Variants in HS2ST1 observed in about 807,000 individuals in gnomAD.
HS2ST1 encodes 2-O-sulfotransferase.
In HS2ST1, 18 loss-of-function variants were observed where a neutral mutation model predicts 42.9. The ratio of observed to expected loss-of-function variants is 0.42; its 90% CI spans 0.29 to 0.62. The LOEUF (loss-of-function observed/expected upper bound fraction) is 0.62. Among genes scored for constraint, HS2ST1 ranks in the 20% least tolerant of loss-of-function variants. HS2ST1 has a pLI of 0.21. For missense variants in HS2ST1, 334 were observed against 433.8 expected (o/e 0.77, Z 2.04); for synonymous variants, 146 against 152.9 (o/e 0.95, Z 0.33).
rs368370135 is a variant in HS2ST1, at chr1:87,012,269, G to A, written c.125-60665G>A. Among the ~76,000 whole-genome samples, 13 of 152,118 alleles carry A rather than the reference G, an allele frequency of 8.5e-5. No individual in the cohort carries two copies. In the East Asian group the frequency reaches 1.7e-3, roughly 20 times the overall value. The stretch of plus-strand genomic sequence containing the variant: ...ATACCCGAGACTGGTAATTTATAAA[G>A]GAAAGAGGTTTAATGAACCCACAGT... On this transcript the variant is annotated intron_variant, in intron 1 of 6. Coordinates refer to ENST00000370550, the MANE Select transcript of HS2ST1 (RefSeq NM_012262.4).
intron 1 of HS2ST1, among the ~76,000 whole-genome samples, chr1:87,025,354 G>T (rs1650057607): frequency 6.6e-6 from 1 of 152,204 alleles, no homozygotes; most frequent in African/African-American, 2.4e-5. Context: ...GCAATATCAA[G>T]TAAACAGGGA....
intron 1 of HS2ST1, among the ~76,000 whole-genome samples, chr1:86,948,454 G>A (rs1228802728): frequency 6.6e-6 from 1 of 152,170 alleles, no homozygotes. Context: ...CGCCTGCCAA[G>A]TTTGCTGTTT....
chr1:86,945,638 T>C (rs906486583), intron 1 of HS2ST1, among the ~76,000 whole-genome samples: 1 of 152,220 alleles, frequency 6.6e-6, no homozygotes, highest in African/African-American at 2.4e-5. Context: ...AACTTGTACT[T>C]ATAGACTAGG....
At chr1:86,986,162 T>G (rs1385521700) in intron 1 of HS2ST1, among the ~76,000 whole-genome samples, 1 of 152,114 alleles carries the variant, frequency 6.6e-6, no homozygotes, top group East Asian at 1.9e-4. Context: ...TTTATTTTAT[T>G]AAAAGTGATT....
intron 1 of HS2ST1, among the ~76,000 whole-genome samples, chr1:87,054,295 A>T (rs1372637940): frequency 1.3e-5 from 2 of 151,748 alleles, no homozygotes; most frequent in Non-Finnish European, 2.9e-5. Context: ...GAGATATCTC[A>T]TGTGGGTTTT....
chr1:86,995,714 A>G lies in HS2ST1; in HGVS notation c.125-77220A>G, dbSNP rs543289479. Among the ~76,000 whole-genome samples, 3 of 152,320 alleles carry G rather than the reference A, an allele frequency of 2.0e-5. No homozygotes were observed. The South Asian group carries it at 6.2e-4, about 32-fold the overall frequency. ...CAGTAACTGGTAGATAAATTCTGGC[A>G]TTACATACCAAACAGGAGAGACAAG... On this transcript the variant is annotated intron_variant, in intron 1 of 6. Coordinates refer to ENST00000370550, the MANE Select transcript of HS2ST1 (RefSeq NM_012262.4).
Position 86,983,382 on chromosome 1 carries a change from A to G in HS2ST1, c.124+68222A>G, listed in dbSNP as rs547636766. On this transcript the variant is annotated intron_variant, in intron 1 of 6. Coordinates refer to ENST00000370550, the MANE Select transcript of HS2ST1 (RefSeq NM_012262.4). Reference sequence around the variant, plus strand: ...AATCATGGCAGAAGGTGAAGGGAAAACAAGGCATGTCTTACATGGTGGTAG... The same window carrying G: ...AATCATGGCAGAAGGTGAAGGGAAAGCAAGGCATGTCTTACATGGTGGTAG... Among the ~76,000 whole-genome samples, 3 of 152,234 alleles carry G rather than the reference A, an allele frequency of 2.0e-5. No homozygotes were observed. The South Asian group carries it at 6.2e-4, about 32-fold the overall frequency.
chr1:87,013,307 G>A (rs1649657063), intron 1 of HS2ST1, among the ~76,000 whole-genome samples: 1 of 152,254 alleles, frequency 6.6e-6, no homozygotes. Flanking sequence ...CCAAACCTCA[G>A]TTTCTGACTT....
chr1:87,097,174 C>G (rs183897787), intron 4 of HS2ST1, among the ~76,000 whole-genome samples: 1 of 152,268 alleles, frequency 6.6e-6, no homozygotes, highest in African/African-American at 2.4e-5. Flanking sequence ...TCTATATGCT[C>G]TGGAGGACAC....
rs1028973162 is a variant in HS2ST1, at chr1:87,109,588, A to C, written c.*4892A>C. 6.6e-6 allele frequency: 1 copy of C among 152,104 alleles called. No individual in the cohort carries two copies. Among genetic ancestry groups the C allele is most frequent in the East Asian group, 1.9e-4 (1 of 5,194 alleles). The allele number at this position is 152,104 out of a possible 1,614,324, so 9.4% of individuals were successfully genotyped here. A position where few individuals can be genotyped will look rare whatever the true frequency, so the allele number is the denominator to read the frequency against. On this transcript the variant is annotated 3_prime_UTR_variant, in exon 7 of 7. Transcript: ENST00000370550. The stretch of plus-strand genomic sequence containing the variant: ...TTTTTTTTTCCCCCTTAAAGAAGAA[A>C]GTCTCAATTCCATTGATTTTCAATT...
intron 1 of HS2ST1, among the ~76,000 whole-genome samples, chr1:86,926,825 A>G (rs1660432375): frequency 6.6e-6 from 1 of 152,242 alleles, no homozygotes; most frequent in Non-Finnish European, 1.5e-5. Context: ...CACAGGCCTT[A>G]GCAAGTTGTT....
chr1:86,917,163 C>T (rs928554704), intron 1 of HS2ST1, among the ~76,000 whole-genome samples: 2 of 152,136 alleles, frequency 1.3e-5, no homozygotes, highest in African/African-American at 4.8e-5. Context: ...ATTTTGACAA[C>T]CATATTCTGT....
chr1:86,915,561 G>A (rs1416772057), intron 1 of HS2ST1, among the ~76,000 whole-genome samples: 4 of 152,166 alleles, frequency 2.6e-5, no homozygotes, highest in African/African-American at 7.2e-5. Flanking sequence ...GTCAGATGAG[G>A]GGTATTCTAA....
intron 1 of HS2ST1, among the ~76,000 whole-genome samples, chr1:86,957,344 C>T (rs553236885): frequency 5.3e-5 from 8 of 152,294 alleles, no homozygotes; most frequent in African/African-American, 1.9e-4. Flanking sequence ...GGACAAATGG[C>T]CCATCACATG....
rs533253383 is a variant in HS2ST1 at position 86,915,239 on chromosome 1, A to G, written c.124+79A>G. The G allele has an allele frequency of 3.4e-5, 52 of 1,512,118 alleles. No individual in the cohort carries two copies. The African/African-American group carries it at 6.7e-4, about 19-fold the overall frequency. The allele number at this position is 1,512,118 out of a possible 1,614,324, so 93.7% of individuals were successfully genotyped here. A position where few individuals can be genotyped will look rare whatever the true frequency, so the allele number is the denominator to read the frequency against. Reference sequence around the variant, plus strand: ...CTGCCGCCGGAGCAAGTGGGCGTTCATCTAACCTGGGGTCTGGCTCGGGGG... The same window carrying G: ...CTGCCGCCGGAGCAAGTGGGCGTTCGTCTAACCTGGGGTCTGGCTCGGGGG... On this transcript the variant is annotated intron_variant, in intron 1 of 6. Coordinates refer to ENST00000370550, the MANE Select transcript of HS2ST1 (RefSeq NM_012262.4).
At chr1:86,961,206 A>C (rs1027222168) in intron 1 of HS2ST1, among the ~76,000 whole-genome samples, 3 of 152,108 alleles carry the variant, frequency 2.0e-5, no homozygotes, top group Non-Finnish European at 4.4e-5. Context: ...ACTGTACCCC[A>C]GCCTGGGTGA....
chr1:87,098,234 T>TG, intron 5 of HS2ST1: 1 of 125,242 alleles, frequency 8.0e-6, no homozygotes, highest in South Asian at 3.7e-4. Flanking sequence ...GGGGTGGGGG[T>TG]GGGTGTCATA....
intron 1 of HS2ST1, among the ~76,000 whole-genome samples, chr1:86,944,628 A>T (rs1205881004): frequency 1.3e-5 from 2 of 152,162 alleles, no homozygotes; most frequent in Non-Finnish European, 2.9e-5. Context: ...TGCTGGGATT[A>T]CAGGCGTGAG....
chr1:87,071,002 A>G (rs976881129), intron 1 of HS2ST1, among the ~76,000 whole-genome samples: 3 of 152,134 alleles, frequency 2.0e-5, no homozygotes, highest in African/African-American at 7.2e-5. Flanking sequence ...AGTGTATTCA[A>G]TATTAAGCTC....
Sources: gnomAD v4.1 joint callset for allele counts (sites outside exome capture counted in the v4.1 genomes callset) on GRCh38, gnomAD v4.1.1 for gene constraint, MANE v1.5 for transcripts, NCBI Gene and HGNC (gene_info 2026-07-23, HGNC 2026-07-21) for gene names.